The following ASTL variants were observed in gnomAD, a reference collection of about 807,000 sequenced individuals.
ASTL encodes the protein astacin like metalloendopeptidase, also known as astacin-like metalloendopeptidase.
ASTL carries 27 observed loss-of-function variants against 36.7 expected under a neutral mutation model. The ratio of observed to expected loss-of-function variants is 0.73; its 90% confidence interval spans 0.54 to 1.01. The LOEUF (loss-of-function observed/expected upper bound fraction) is 1.01. Ranked by LOEUF, ASTL falls within the 50% of genes least tolerant of loss-of-function variation. The pLI is 0.00. For synonymous variants in ASTL, 222 were observed against 228.1 expected, an observed-to-expected ratio of 0.97 and a Z score of 0.24; for missense variants, 524 against 572.8, an observed-to-expected ratio of 0.91 and a Z score of 0.87.
chr2:96,138,152 T>C (rs1228550598), intron 1 of ASTL, among the ~76,000 whole-genome samples: 1 of 152,144 alleles, frequency 6.6e-6, no homozygotes, highest in Admixed American at 6.5e-5. Context: ...CAAGTAGGCC[T>C]GGGGCACAAC....
At chr2:96,127,859 A>C (rs535944066) in intron 8 of ASTL, among the ~76,000 whole-genome samples, 1 of 152,164 alleles carries the variant, frequency 6.6e-6, no homozygotes, top group Non-Finnish European at 1.5e-5. Flanking sequence ...TACAGGCATG[A>C]GCCATCACAC....
At position 96,132,972 on chromosome 2, in the gene ASTL, AG is replaced by A. The variant is rs1191652307; in HGVS notation, c.456-252del. Reference sequence around the variant, plus strand: ...GCTGCAGAAACTGATATATGAACACAGAGGACAGAAGCAGCTTACTAAGTGA... The same window carrying A: ...GCTGCAGAAACTGATATATGAACACAAGGACAGAAGCAGCTTACTAAGTGA... On this transcript the variant is annotated intron_variant, in intron 5 of 8. Transcript: ENST00000342380. This position sits in a 1 kb window ranked among gnomAD's most constrained non-coding sequence, Gnocchi z 5.4. Among the ~76,000 whole-genome samples, 1 of 152,210 alleles carries A rather than the reference AG, an allele frequency of 6.6e-6. No individual in the cohort carries two copies. Among genetic ancestry groups the A allele is most frequent in the African/African-American group, 2.4e-5 (1 of 41,444 alleles).
chr2:96,135,313 G>A (rs890371027), intron 3 of ASTL, 38 bp downstream of exon 3: 2 of 1,596,786 alleles, frequency 1.3e-6, no homozygotes, highest in Non-Finnish European at 1.7e-6. Context: ...CCAACTGTGG[G>A]CTTATCCGCA....
chr2:96,128,507 C>T (rs1262916045), intron 8 of ASTL, among the ~76,000 whole-genome samples: 1 of 152,120 alleles, frequency 6.6e-6, no homozygotes. Flanking sequence ...TAAATAGATG[C>T]TAAATGGCTC....
intron 1 of ASTL, 144 bp from the exon 2 acceptor site, chr2:96,137,844 C>G: frequency 1.2e-6 from 1 of 805,258 alleles, no homozygotes; most frequent in African/African-American, 1.7e-5. Context: ...AGCCAAGGAG[C>G]CTTCCCAGCC....
At chr2:96,136,230 A>G (rs1682296772) in intron 2 of ASTL, among the ~76,000 whole-genome samples, 1 of 152,218 alleles carries the variant, frequency 6.6e-6, no homozygotes, top group South Asian at 2.1e-4. Flanking sequence ...GCTGACTTGT[A>G]CCACCTTTAG....
chr2:96,131,773 C>T (rs1053502480), intron 6 of ASTL, among the ~76,000 whole-genome samples: 1 of 152,170 alleles, frequency 6.6e-6, no homozygotes, highest in African/African-American at 2.4e-5. Context: ...TGAAAGGTCT[C>T]GTGCTGGACG....
intron 6 of ASTL, among the ~76,000 whole-genome samples, chr2:96,131,960 A>G (rs945150551): frequency 6.6e-6 from 1 of 152,166 alleles, no homozygotes; most frequent in Non-Finnish European, 1.5e-5. Flanking sequence ...AGCCGCTGCC[A>G]GCACAGGAAC....
At chr2:96,130,500 C>G (rs1036904243) in intron 6 of ASTL, among the ~76,000 whole-genome samples, 1 of 152,234 alleles carries the variant, frequency 6.6e-6, no homozygotes, top group Non-Finnish European at 1.5e-5. Flanking sequence ...GATGTCCCTC[C>G]CACCCCAGAT....
chr2:96,135,302 G>A (rs368731223), intron 3 of ASTL, 49 bp downstream of exon 3: 46 of 1,561,600 alleles, frequency 2.9e-5, no homozygotes, highest in Middle Eastern at 1.7e-4. Context: ...AGGACCTGTC[G>A]CCAACTGTGG....
rs1341713605 is a variant in ASTL, at chr2:96,138,428, A to G, written c.9T>C (p.Gly3=). The change falls in exon 1 of 9, where the codon GGT becomes GGC. Residue 3 remains glycine, a synonymous_variant. Transcript: ENST00000342380. ME[G]VGGLWPWVLG... The stretch of plus-strand genomic sequence containing the variant: ...GCACCCAAGGCCAGAGACCCCCTAC[A>G]CCCTCCATGGTAGAGCCCTGCTGCC... 5.6e-6 allele frequency: 9 copies of G among 1,608,404 alleles called. No individual in the cohort carries two copies. The highest frequency in any genetic ancestry group is 7.6e-6 in the Non-Finnish European group (9 of 1,177,486).
At chr2:96,134,570 G>C (rs1573915830) in intron 3 of ASTL, among the ~76,000 whole-genome samples, 1 of 152,340 alleles carries the variant, frequency 6.6e-6, no homozygotes, top group African/African-American at 2.4e-5. Flanking sequence ...ACCCCAGCGT[G>C]CCTGTGCCAT....
At chr2:96,127,075 G>A (rs931273926) in intron 8 of ASTL, among the ~76,000 whole-genome samples, 1 of 152,204 alleles carries the variant, frequency 6.6e-6, no homozygotes, top group African/African-American at 2.4e-5. Flanking sequence ...GTTATTCAGC[G>A]ATGTTATTGA....
intron 6 of ASTL, 26 bp from the exon 7 acceptor site, chr2:96,130,171 T>G (rs1475644340): frequency 3.2e-6 from 5 of 1,573,970 alleles, no homozygotes; most frequent in Non-Finnish European, 4.4e-6. Flanking sequence ...CAATACAACT[T>G]ACTGATATAT....
chr2:96,132,580 C>G lies in ASTL; in HGVS notation c.597G>C (p.Arg199=), dbSNP rs148818932. The G allele has an allele frequency of 3.0e-4, 479 of 1,611,534 alleles. 3 individuals are homozygous for G. In the East Asian group the frequency reaches 7.1e-3, roughly 24 times the overall value. The change falls in exon 6 of 9, where the codon CGG becomes CGC. Residue 199 remains arginine, a synonymous_variant. Coordinates refer to ENST00000342380, the MANE Select transcript of ASTL (RefSeq NM_001002036.4). This position sits in a 1 kb window ranked among gnomAD's most constrained non-coding sequence, Gnocchi z 5.4. The part of the protein sequence containing the change: ...GFWHEHTRAD[R]DRYIRVNWNE... ...TCCAGTTGACACGGATATAGCGGTC[C>G]CGGTCGGCCCGCGTGTGCTCGTGCC...
chr2:96,134,144 A>G, intron 3 of ASTL, 86 bp from the exon 4 acceptor site: 1 of 843,288 alleles, frequency 1.2e-6, no homozygotes, highest in South Asian at 1.4e-5. Flanking sequence ...AGGGCACCAG[A>G]ACCCCAAAGA....
chr2:96,124,708 GTTGGGGCTTCC>G lies in ASTL; in HGVS notation c.875-448_875-438del, dbSNP rs1006467597. Among the ~76,000 whole-genome samples the G allele has an allele frequency of 1.3e-5, 2 of 152,258 alleles. No homozygotes were observed. The highest frequency in any genetic ancestry group is 4.8e-5 in the African/African-American group (2 of 41,524). On this transcript the variant is annotated intron_variant, in intron 8 of 8. Transcript: ENST00000342380. This position sits in a 1 kb window ranked among gnomAD's most constrained non-coding sequence, Gnocchi z 4.1. Reference sequence around the variant, plus strand: ...AACCCTGCACCGTGCCAGGAGGTAGGTTGGGGCTTCCTTGTTCTTCACTGTCATGCCAGACT... The same window carrying G: ...AACCCTGCACCGTGCCAGGAGGTAGGTTGTTCTTCACTGTCATGCCAGACT...
chr2:96,132,191 T>A lies in ASTL; in HGVS notation c.637+349A>T, dbSNP rs1682193262. Among the ~76,000 whole-genome samples, 1 of 152,220 alleles carries A rather than the reference T, an allele frequency of 6.6e-6. No individual in the cohort carries two copies. The highest frequency in any genetic ancestry group is 1.5e-5 in the Non-Finnish European group (1 of 68,038). Reference sequence around the variant, plus strand: ...GTCCATGGTGGTGGTATCTGGTACATGAGACCGCTGCTAGAGTACTCAACA... The same window carrying A: ...GTCCATGGTGGTGGTATCTGGTACAAGAGACCGCTGCTAGAGTACTCAACA... On this transcript the variant is annotated intron_variant, in intron 6 of 8. Transcript: ENST00000342380. The surrounding 1 kb of genome is among the most constrained non-coding windows in gnomAD (Gnocchi z 5.4).
In ASTL at chr2:96,129,904, C is replaced by T. The variant is rs374745100; in HGVS notation, c.794G>A (p.Trp265Ter). 9 of 1,605,876 alleles carry T rather than the reference C, an allele frequency of 5.6e-6. No homozygotes were observed. The highest frequency in any genetic ancestry group is 7.7e-6 in the Non-Finnish European group (9 of 1,174,236). ...GGTGATGTCCGAGGCACTCAGGTTC[C>T]ATCGCTGGCCGATGTGGACACTGGG... ...WAPSVHIGQR[W>*]NLSASDITRV... The change falls in exon 8 of 9, where the codon TGG (tryptophan) becomes TAG (stop). Residue 265 changes from tryptophan to a stop codon, truncating the protein, a stop_gained. Coordinates refer to ENST00000342380, the MANE Select transcript of ASTL (RefSeq NM_001002036.4). LOFTEE classifies it high-confidence loss of function.
Sources: gnomAD v4.1 joint callset for allele counts (sites outside exome capture counted in the v4.1 genomes callset) on GRCh38, gnomAD v4.1.1 for gene constraint, Gnocchi (gnomAD v3.1) non-coding constraint, MANE v1.5 for transcripts, NCBI Gene and HGNC (gene_info 2026-07-23, HGNC 2026-07-21) for gene names.